Variants in PEAK1 observed in about 807,000 individuals in gnomAD.
PEAK1 encodes pseudopodium enriched atypical kinase 1, also known as inactive tyrosine-protein kinase PEAK1.
In PEAK1, 54 loss-of-function variants were observed where a neutral mutation model predicts 124.7. The ratio of observed to expected loss-of-function variants is 0.43; its 90% CI spans 0.35 to 0.54. The LOEUF (loss-of-function observed/expected upper bound fraction) is 0.54, where lower values mean the gene tolerates loss of function less well. Ranked by LOEUF, PEAK1 falls within the 20% of genes least tolerant of loss-of-function variation. The pLI is 0.01. For missense variants in PEAK1, 2,046 were observed against 2,134.5 expected (o/e 0.96, Z 0.82); for synonymous variants, 719 against 760.0 (o/e 0.95, Z 0.89).
Position 77,262,911 on chromosome 15 carries a change from C to A in PEAK1, c.-274-10385G>T, listed in dbSNP as rs563503182. Reference sequence around the variant, plus strand: ...AAATTATAACAAACTGTCTCTCAGGCCACAGTACAATCAAACTAGAACTCA... The same window carrying A: ...AAATTATAACAAACTGTCTCTCAGGACACAGTACAATCAAACTAGAACTCA... On this transcript the variant is annotated intron_variant, in intron 5 of 9. Coordinates refer to ENST00000682557, the MANE Select transcript of PEAK1 (RefSeq NM_001385026.1). 9.7e-4 allele frequency among the ~76,000 whole-genome samples: 147 copies of A among 152,286 alleles called. No individual in the cohort carries two copies. The South Asian group carries it at 0.029, about 31-fold the overall frequency.
chr15:77,292,960 T>C (rs1310374176), intron 2 of PEAK1, among the ~76,000 whole-genome samples: 1 of 152,162 alleles, frequency 6.6e-6, no homozygotes, highest in African/African-American at 2.4e-5. Flanking sequence ...GAATGACCTA[T>C]CAGCACTTCA....
At chr15:77,207,281 A>G (rs1168786284) in intron 6 of PEAK1, among the ~76,000 whole-genome samples, 2 of 152,254 alleles carry the variant, frequency 1.3e-5, no homozygotes, top group Non-Finnish European at 2.9e-5. Context: ...ACTGCAACAC[A>G]TAAGCTTTTT....
intron 1 of PEAK1, chr15:77,418,553 A>G: frequency 5.1e-6 from 5 of 985,156 alleles, no homozygotes; most frequent in Non-Finnish European, 6.0e-6. Context: ...TCAACTTTGA[A>G]GCCAAGAAAA....
chr15:77,126,105 AT>A, intron 9 of PEAK1, among the ~76,000 whole-genome samples: 2 of 152,350 alleles, frequency 1.3e-5, no homozygotes, highest in Admixed American at 1.3e-4. Flanking sequence ...TTAGGACATC[AT>A]TTTTTAACTA....
intron 5 of PEAK1, among the ~76,000 whole-genome samples, chr15:77,281,058 C>T (rs1030093305): frequency 5.3e-5 from 8 of 152,022 alleles, no homozygotes; most frequent in African/African-American, 1.9e-4. Flanking sequence ...CACCTGTAAT[C>T]CCAGGAGGCT....
chr15:77,357,269 T>A (rs2067579530), intron 2 of PEAK1, among the ~76,000 whole-genome samples: 1 of 152,124 alleles, frequency 6.6e-6, no homozygotes, highest in South Asian at 2.1e-4. Flanking sequence ...GACACTGTTT[T>A]TGTTTTGTTT....
intron 5 of PEAK1, among the ~76,000 whole-genome samples, chr15:77,253,101 C>A (rs751332857): frequency 2.0e-5 from 3 of 152,208 alleles, no homozygotes; most frequent in Middle Eastern, 6.8e-3. Context: ...ACTGACCCAA[C>A]CCCTAATTTG....
intron 5 of PEAK1, among the ~76,000 whole-genome samples, chr15:77,280,976 A>G (rs774983746): frequency 2.6e-5 from 4 of 152,126 alleles, no homozygotes; most frequent in Non-Finnish European, 5.9e-5. Context: ...CCTGGCCAAC[A>G]TGGTGAAACC....
Position 77,181,832 on chromosome 15 carries a change from T to A in PEAK1, c.95A>T (p.Asp32Val). The A allele has an allele frequency of 6.2e-7, 1 of 1,613,898 alleles. No homozygotes were observed. Among genetic ancestry groups the A allele is most frequent in the Non-Finnish European group, 8.5e-7 (1 of 1,179,792 alleles). The change falls in exon 7 of 10, where the codon GAC (aspartate) becomes GTC (valine). Residue 32 changes from aspartate to valine, a missense_variant. Coordinates refer to ENST00000682557, the MANE Select transcript of PEAK1 (RefSeq NM_001385026.1). ...KPKSLHQLPP[D>V]PEKAPITHGN... is the part of the protein sequence containing the mutation. ...ATGGGTGATGGGTGCCTTCTCAGGG[T>A]CTGGGGGAAGCTGGTGCAAACTTTT...
intron 6 of PEAK1, among the ~76,000 whole-genome samples, chr15:77,223,719 G>A (rs974857626): frequency 6.6e-6 from 1 of 151,984 alleles, no homozygotes; most frequent in Admixed American, 6.6e-5. Flanking sequence ...CTAAGTGATT[G>A]ATGATACTAC....
intron 5 of PEAK1, among the ~76,000 whole-genome samples, chr15:77,270,271 C>T (rs1488631034): frequency 3.3e-5 from 5 of 152,098 alleles, no homozygotes; most frequent in African/African-American, 4.8e-5. Flanking sequence ...GTTGGAAGTT[C>T]TGGCCAGGGC....
intron 1 of PEAK1, among the ~76,000 whole-genome samples, chr15:77,410,513 ACT>A (rs201428100): frequency 6.6e-6 from 1 of 152,132 alleles, no homozygotes; most frequent in East Asian, 1.9e-4. Flanking sequence ...TTTTACACTA[ACT>A]CTGACTTAAA....
At chr15:77,319,928 A>G (rs1288750160) in intron 2 of PEAK1, among the ~76,000 whole-genome samples, 1 of 152,194 alleles carries the variant, frequency 6.6e-6, no homozygotes, top group Admixed American at 6.5e-5. Flanking sequence ...AAATATCGTT[A>G]AAAGGTCAAC....
chr15:77,366,807 A>G lies in PEAK1; in HGVS notation c.-665-1582T>C, dbSNP rs528542108. Among the ~76,000 whole-genome samples the G allele has an allele frequency of 4.6e-5, 7 of 152,204 alleles. No individual in the cohort carries two copies. The East Asian group carries it at 1.4e-3, about 30-fold the overall frequency. On this transcript the variant is annotated intron_variant, in intron 1 of 9. Coordinates refer to ENST00000682557, the MANE Select transcript of PEAK1 (RefSeq NM_001385026.1). ...GAACTACTGGGCTCAAGCAATCCAC[A>G]TGCCTCAGCCTCCCAAAGTGCTGGG... is the stretch of plus-strand genomic sequence containing the variant.
intron 6 of PEAK1, among the ~76,000 whole-genome samples, chr15:77,215,117 T>C (rs1339689897): frequency 6.6e-6 from 1 of 152,202 alleles, no homozygotes; most frequent in African/African-American, 2.4e-5. Context: ...CTTGGTATCG[T>C]TGGTCTTTTG....
chr15:77,182,749 C>CAAAAAAAAAAAAAAAA (rs71143395), intron 6 of PEAK1, among the ~76,000 whole-genome samples: 14 of 65,136 alleles, frequency 2.1e-4, no homozygotes, highest in African/African-American at 8.0e-4. Flanking sequence ...GACCTTGTCT[C>CAAAAAAAAAAAAAAAA]AAAAAAAAAA....
chr15:77,152,077 G>C (rs1002660488), intron 8 of PEAK1, among the ~76,000 whole-genome samples: 1 of 152,124 alleles, frequency 6.6e-6, no homozygotes, highest in East Asian at 1.9e-4. Context: ...ATTACCTTGG[G>C]CAGTATGGCC....
chr15:77,186,358 C>A (rs115366560), intron 6 of PEAK1, among the ~76,000 whole-genome samples: 1,854 of 152,236 alleles, frequency 0.012, 46 homozygotes, highest in African/African-American at 0.042. Flanking sequence ...AATAATTCCC[C>A]ACTTTGAGTA....
intron 6 of PEAK1, among the ~76,000 whole-genome samples, chr15:77,191,857 G>T (rs1212451900): frequency 6.6e-6 from 1 of 152,174 alleles, no homozygotes; most frequent in Non-Finnish European, 1.5e-5. Flanking sequence ...AGGGGCTGAT[G>T]TGAGAGGCTA....
Sources: gnomAD v4.1 joint callset for allele counts (sites outside exome capture counted in the v4.1 genomes callset) on GRCh38, gnomAD v4.1.1 for gene constraint, MANE v1.5 for transcripts, NCBI Gene and HGNC (gene_info 2026-07-23, HGNC 2026-07-21) for gene names.